The following HDAC9 variants were observed in gnomAD, a reference collection of about 807,000 sequenced individuals.
The protein encoded by HDAC9 is histone deacetylase 9, also known as MEF-2 interacting transcription repressor (MITR) protein.
A neutral mutation model predicts 139.4 loss-of-function variants in HDAC9; 41 were observed. The ratio of observed to expected loss-of-function variants is 0.29; its 90% CI spans 0.23 to 0.38. HDAC9 has a LOEUF of 0.38. HDAC9 is among the 10% of genes least tolerant of loss of function. HDAC9 has a pLI of 1.00. For synonymous variants in HDAC9, 517 were observed against 476.2 expected (o/e 1.09, Z -1.12); for missense variants, 1,147 against 1,297.0 (o/e 0.88, Z 1.78).
intron 7 of HDAC9, among the ~76,000 whole-genome samples, chr7:18,631,375 C>G (rs1230323883): frequency 6.6e-6 from 1 of 151,974 alleles, no homozygotes; most frequent in African/African-American, 2.4e-5. Flanking sequence ...CGCACTTACT[C>G]GAAATGTCTT....
intron 1 of HDAC9, among the ~76,000 whole-genome samples, chr7:18,377,032 A>G (rs149883955): frequency 6.6e-6 from 1 of 152,254 alleles, no homozygotes; most frequent in Non-Finnish European, 1.5e-5. Context: ...GGCTAGAGAT[A>G]CAGTGTTGAC....
At chr7:18,734,977 C>G (rs1414985168) in intron 13 of HDAC9, among the ~76,000 whole-genome samples, 2 of 152,224 alleles carry the variant, frequency 1.3e-5, no homozygotes, top group Non-Finnish European at 2.9e-5. Context: ...TTGCATTTCT[C>G]TGATGACCAG....
At chr7:18,098,284 A>G (rs1782638289) in intron 1 of HDAC9, among the ~76,000 whole-genome samples, 1 of 152,238 alleles carries the variant, frequency 6.6e-6, no homozygotes, top group Admixed American at 6.5e-5. Flanking sequence ...TTGTACATAT[A>G]TTGAACCTCA....
Position 18,495,817 on chromosome 7 carries a change from G to T in HDAC9, c.-248G>T. The stretch of plus-strand genomic sequence containing the variant: ...GCCACTTGCAGGACTGAGGGTTTTT[G>T]CAACAAAACCCTAGCAGCCTGAAGA... On this transcript the variant is annotated 5_prime_UTR_variant, in exon 1 of 26. Transcript: ENST00000686413. 9.8e-7 allele frequency: 1 copy of T among 1,015,724 alleles called. No homozygotes were observed. The highest frequency in any genetic ancestry group is 1.2e-6 in the Non-Finnish European group (1 of 850,274). 62.9% of individuals were successfully genotyped at this position (1,015,724 alleles called of 1,614,324 possible).
intron 11 of HDAC9, among the ~76,000 whole-genome samples, chr7:18,649,799 G>T (rs1402227668): frequency 2.0e-5 from 3 of 152,032 alleles, no homozygotes; most frequent in Non-Finnish European, 4.4e-5. Flanking sequence ...GCATGGATTG[G>T]ATACCATGCT....
intron 6 of HDAC9, among the ~76,000 whole-genome samples, chr7:18,599,974 G>GTT (rs35922999): frequency 2.1e-3 from 315 of 148,690 alleles, no homozygotes; most frequent in Admixed American, 3.1e-3. Context: ...TGTATTTTAA[G>GTT]TTTTTTTTTT....
intron 22 of HDAC9, among the ~76,000 whole-genome samples, chr7:18,899,681 C>T (rs192497708): frequency 6.6e-5 from 10 of 151,942 alleles, no homozygotes; most frequent in Non-Finnish European, 1.2e-4. Context: ...CTTTAAAAAT[C>T]TATAAGCCTT....
intron 13 of HDAC9, among the ~76,000 whole-genome samples, chr7:18,732,929 G>A (rs1198088500): frequency 1.1e-5 from 1 of 92,118 alleles, no homozygotes; most frequent in African/African-American, 3.8e-5. Flanking sequence ...ACACACGTGT[G>A]TATGTATGTG....
intron 1 of HDAC9, among the ~76,000 whole-genome samples, chr7:18,414,669 T>C (rs1293293453): frequency 1.3e-5 from 2 of 152,190 alleles, no homozygotes; most frequent in Non-Finnish European, 2.9e-5. Context: ...ATAAACAGGT[T>C]GGCAGAATAT....
chr7:18,759,403 A>T (rs1789173609), intron 14 of HDAC9, among the ~76,000 whole-genome samples: 2 of 151,886 alleles, frequency 1.3e-5, no homozygotes, highest in African/African-American at 4.8e-5. Context: ...CGCTAACCCT[A>T]TTGTGAACTG....
chr7:18,392,390 T>C (rs544381940), intron 1 of HDAC9, among the ~76,000 whole-genome samples: 1 of 133,898 alleles, frequency 7.5e-6, no homozygotes, highest in South Asian at 2.6e-4. Flanking sequence ...GATAGATGGA[T>C]AGATAGATGG....
intron 21 of HDAC9, among the ~76,000 whole-genome samples, chr7:18,849,251 G>A (rs905848554): frequency 3.3e-5 from 5 of 151,976 alleles, no homozygotes; most frequent in African/African-American, 7.3e-5. Context: ...CATATTCTAC[G>A]GACTGTCTTC....
chr7:18,570,650 T>G (rs1365537049), intron 2 of HDAC9, among the ~76,000 whole-genome samples: 1 of 152,176 alleles, frequency 6.6e-6, no homozygotes, highest in Non-Finnish European at 1.5e-5. Context: ...TTAGTGGGTG[T>G]GTGACCTTGG....
At chr7:18,887,069 G>T (rs979244988) in intron 22 of HDAC9, among the ~76,000 whole-genome samples, 3 of 152,220 alleles carry the variant, frequency 2.0e-5, no homozygotes, top group African/African-American at 7.2e-5. Context: ...ATTAATACGT[G>T]TGTGGCTGAT....
chr7:18,339,975 T>C lies in HDAC9; in HGVS notation c.-42+49460T>C, dbSNP rs78394069. Among the ~76,000 whole-genome samples, 617 of 151,668 alleles carry C rather than the reference T, an allele frequency of 4.1e-3. 2 individuals are homozygous for C. Among genetic ancestry groups the C allele is most frequent in the African/African-American group, 0.014 (589 of 41,490 alleles). ...TTCTGTCTATGTTTTCTATCAGTTA[T>C]TGAGAAAATAGTATTGAGATTTCCT... is the stretch of plus-strand genomic sequence containing the variant. On this transcript the variant is annotated intron_variant, in intron 1 of 3. Coordinates refer to the HDAC9 transcript ENST00000413509.
chr7:18,570,837 G>T (rs1767116081), intron 2 of HDAC9, among the ~76,000 whole-genome samples: 1 of 152,202 alleles, frequency 6.6e-6, no homozygotes, highest in African/African-American at 2.4e-5. Context: ...TGTAATTAGT[G>T]TTGGTTCCAT....
intron 1 of HDAC9, among the ~76,000 whole-genome samples, chr7:18,136,643 G>A (rs1785441367): frequency 6.6e-6 from 1 of 152,128 alleles, no homozygotes; most frequent in Non-Finnish European, 1.5e-5. Flanking sequence ...TGAGGGCTCT[G>A]TTGTGTTCCA....
intron 21 of HDAC9, among the ~76,000 whole-genome samples, chr7:18,872,958 T>C (rs566825406): frequency 1.4e-4 from 22 of 152,210 alleles, no homozygotes; most frequent in Non-Finnish European, 2.5e-4. Flanking sequence ...TCTAAAGGAG[T>C]ACATAGGATT....
chr7:18,835,389 G>C, intron 19 of HDAC9, 78 bp from the exon 20 acceptor site: 1 of 1,417,180 alleles, frequency 7.1e-7, no homozygotes, highest in Non-Finnish European at 9.5e-7. Flanking sequence ...GAAAGACAGG[G>C]AACTAGAAAT....
Sources: allele counts gnomAD v4.1 joint callset (sites outside exome capture counted in the v4.1 genomes callset), GRCh38; gene constraint gnomAD v4.1.1; transcripts MANE v1.5; gene names NCBI Gene and HGNC (gene_info 2026-07-23, HGNC 2026-07-21).